Variants in RAP1GAP2 observed in about 807,000 individuals in gnomAD.
RAP1GAP2 encodes RAP1 GTPase activating protein 2.
A neutral mutation model predicts 95.0 loss-of-function variants in RAP1GAP2; 27 were observed. The ratio of observed to expected loss-of-function variants is 0.28; its 90% CI spans 0.21 to 0.39. The LOEUF (loss-of-function observed/expected upper bound fraction) is 0.39. Among genes scored for constraint, RAP1GAP2 ranks in the 10% least tolerant of loss-of-function variants. RAP1GAP2 has a pLI of 1.00. For missense variants in RAP1GAP2, 771 were observed against 970.0 expected (o/e 0.79, Z 2.72); for synonymous variants, 373 against 380.9 (o/e 0.98, Z 0.24).
intron 2 of RAP1GAP2, among the ~76,000 whole-genome samples, chr17:2,832,032 T>C (rs1309917413): frequency 1.3e-4 from 19 of 148,290 alleles, no homozygotes; most frequent in African/African-American, 4.5e-4. Context: ...GGCGAAACCC[T>C]GTCTCTACTA....
intron 1 of RAP1GAP2, among the ~76,000 whole-genome samples, chr17:2,785,004 C>T (rs1231691239): frequency 1.3e-5 from 2 of 152,244 alleles, no homozygotes; most frequent in African/African-American, 4.8e-5. Context: ...CTGCTTCCAC[C>T]TGAGTCACTG....
rs532848744 is a variant in RAP1GAP2, at chr17:3,004,513, G to A, written c.1201-856G>A. On this transcript the variant is annotated intron_variant, in intron 14 of 24. Coordinates refer to ENST00000254695, the MANE Select transcript of RAP1GAP2 (RefSeq NM_015085.5). The surrounding 1 kb of genome is among the most constrained non-coding windows in gnomAD (Gnocchi z 4.1). ...CTCCCGAGAGCCTCACAGCCTCGTGGGCTGAGAATAGGTGAAGTCAGGGCA... is the reference window on the plus strand; with the variant it reads ...CTCCCGAGAGCCTCACAGCCTCGTGAGCTGAGAATAGGTGAAGTCAGGGCA... Among the ~76,000 whole-genome samples, 1 of 152,372 alleles carries A rather than the reference G, an allele frequency of 6.6e-6. No individual in the cohort carries two copies. The highest frequency in any genetic ancestry group is 2.1e-4 in the South Asian group (1 of 4,828).
intron 11 of RAP1GAP2, among the ~76,000 whole-genome samples, chr17:2,989,519 G>T (rs1341212117): frequency 6.6e-6 from 1 of 152,136 alleles, no homozygotes; most frequent in Non-Finnish European, 1.5e-5. Flanking sequence ...TTTTAGTAGA[G>T]ACTGGGTTTT....
At chr17:2,931,616 C>T (rs1210642676) in intron 3 of RAP1GAP2, among the ~76,000 whole-genome samples, 2 of 152,220 alleles carry the variant, frequency 1.3e-5, no homozygotes, top group African/African-American at 4.8e-5. Flanking sequence ...TTAAAGCCCC[C>T]ATGCGGTTGT....
intron 19 of RAP1GAP2, among the ~76,000 whole-genome samples, chr17:3,023,070 T>C (rs944539873): frequency 6.6e-6 from 1 of 152,206 alleles, no homozygotes; most frequent in Non-Finnish European, 1.5e-5. Context: ...ATTTGTTGAT[T>C]TGTGGATGTT....
At chr17:2,980,088 C>G (rs937792517) in intron 8 of RAP1GAP2, among the ~76,000 whole-genome samples, 199 bp from the exon 9 acceptor site, 4 of 151,936 alleles carry the variant, frequency 2.6e-5, no homozygotes, top group African/African-American at 9.7e-5. Context: ...TTACAGGCAT[C>G]CGCCACCACG....
chr17:3,024,415 A>C (rs930756771), intron 19 of RAP1GAP2, among the ~76,000 whole-genome samples: 58 of 152,368 alleles, frequency 3.8e-4, no homozygotes, highest in African/African-American at 1.3e-3. Flanking sequence ...GAGGATATGG[A>C]GAAATGGAAA....
chr17:2,997,103 G>A (rs1418037885), intron 13 of RAP1GAP2, among the ~76,000 whole-genome samples: 1 of 152,134 alleles, frequency 6.6e-6, no homozygotes, highest in Non-Finnish European at 1.5e-5. Context: ...TGCATGAACA[G>A]CCCAACATGG....
chr17:2,822,863 C>G (rs571769400), intron 2 of RAP1GAP2, among the ~76,000 whole-genome samples: 4 of 152,100 alleles, frequency 2.6e-5, no homozygotes, highest in South Asian at 2.1e-4. Context: ...CCACTCCCCC[C>G]AGTCCCAGCA....
intron 3 of RAP1GAP2, among the ~76,000 whole-genome samples, chr17:2,953,730 C>G (rs887330301): frequency 9.2e-5 from 14 of 152,168 alleles, no homozygotes; most frequent in African/African-American, 3.4e-4. Context: ...GCCTGTAATC[C>G]CAGCTACTCC....
Position 3,005,236 on chromosome 17 carries a change from A to G in RAP1GAP2, c.1201-133A>G, listed in dbSNP as rs2046296571. On this transcript the variant is annotated intron_variant, in intron 14 of 24. Transcript: ENST00000254695. The surrounding 1 kb of genome is among the most constrained non-coding windows in gnomAD (Gnocchi z 5.2). Reference sequence around the variant, plus strand: ...GTCAGGGCCTGTGCTGGCGATGCTCACAGGAGTATTTTGTTTGTGTTCTGG... The same window carrying G: ...GTCAGGGCCTGTGCTGGCGATGCTCGCAGGAGTATTTTGTTTGTGTTCTGG... The G allele has an allele frequency of 9.8e-6, 9 of 921,060 alleles. No homozygotes were observed. Among genetic ancestry groups the G allele is most frequent in the South Asian group, 8.0e-5 (6 of 75,398 alleles). 57.1% of individuals were successfully genotyped at this position (921,060 alleles called of 1,614,324 possible). A position where few individuals can be genotyped will look rare whatever the true frequency, so the allele number is the denominator to read the frequency against.
chr17:2,811,820 C>A (rs930702484), intron 2 of RAP1GAP2, among the ~76,000 whole-genome samples: 1 of 152,098 alleles, frequency 6.6e-6, no homozygotes, highest in Non-Finnish European at 1.5e-5. Flanking sequence ...CTCAGGTGAT[C>A]CGCCCACCTC....
At position 2,870,352 on chromosome 17, in the gene RAP1GAP2, C is replaced by T. The variant is rs965959086; in HGVS notation, c.81-34932C>T. Among the ~76,000 whole-genome samples the T allele has an allele frequency of 4.6e-5, 7 of 151,968 alleles. No individual in the cohort carries two copies. The highest frequency in any genetic ancestry group is 1.5e-4 in the African/African-American group (6 of 41,376). On this transcript the variant is annotated intron_variant, in intron 2 of 24. Transcript: ENST00000254695. The surrounding 1 kb of genome is among the most constrained non-coding windows in gnomAD (Gnocchi z 4.4). The stretch of plus-strand genomic sequence containing the variant: ...CAGGCTGGTCTCAAACTCTTGACCT[C>T]GTGATCTGCCTGCCTCGTCCTCCCA...
rs1252751545 is a variant in RAP1GAP2, at chr17:2,867,853, G to T, written c.81-37431G>T. ...ACTTGGCTGGTGGCTGCAGCTGCTG[G>T]TACCCTCCCAGACGCAAGGAGGCTT... On this transcript the variant is annotated intron_variant, in intron 2 of 24. Transcript: ENST00000254695. This position sits in a 1 kb window ranked among gnomAD's most constrained non-coding sequence, Gnocchi z 4.5. 6.6e-6 allele frequency among the ~76,000 whole-genome samples: 1 copy of T among 152,156 alleles called. No homozygotes were observed. The highest frequency in any genetic ancestry group is 2.4e-5 in the African/African-American group (1 of 41,440).
chr17:2,891,519 G>C (rs1193924277), intron 2 of RAP1GAP2, among the ~76,000 whole-genome samples: 1 of 149,474 alleles, frequency 6.7e-6, no homozygotes, highest in Admixed American at 6.7e-5. Context: ...TCTCCGCCAA[G>C]CTTGCATCCA....
chr17:2,985,945 CTG>C (rs893527482), intron 11 of RAP1GAP2, among the ~76,000 whole-genome samples: 1 of 152,122 alleles, frequency 6.6e-6, no homozygotes, highest in Non-Finnish European at 1.5e-5. Context: ...GCTGAACACA[CTG>C]TTTCCTCACC....
chr17:2,868,307 G>T (rs2072698521), intron 2 of RAP1GAP2, among the ~76,000 whole-genome samples: 1 of 152,188 alleles, frequency 6.6e-6, no homozygotes, highest in Non-Finnish European at 1.5e-5. Context: ...AGGTCTTAGA[G>T]ATAGGCACCT....
chr17:2,801,785 C>T (rs2069311448), intron 2 of RAP1GAP2, among the ~76,000 whole-genome samples: 3 of 152,100 alleles, frequency 2.0e-5, no homozygotes, highest in African/African-American at 7.2e-5. Flanking sequence ...ATCTCTTGGT[C>T]CGTCTGCTGA....
chr17:2,933,167 C>T (rs1395090348), intron 3 of RAP1GAP2, among the ~76,000 whole-genome samples: 3 of 152,130 alleles, frequency 2.0e-5, no homozygotes, highest in Non-Finnish European at 2.9e-5. Flanking sequence ...GTCGTGTGGG[C>T]GGGTGAGCAA....
Sources: allele counts gnomAD v4.1 joint callset (sites outside exome capture counted in the v4.1 genomes callset), GRCh38; gene constraint gnomAD v4.1.1; non-coding constraint Gnocchi (gnomAD v3.1); transcripts MANE v1.5; gene names NCBI Gene and HGNC (gene_info 2026-07-23, HGNC 2026-07-21).